CCDC178: variants seen among roughly 807,000 people sequenced by gnomAD.
The protein encoded by CCDC178 is coiled-coil domain containing 178, also known as coiled-coil domain-containing protein 178.
In CCDC178, 126 loss-of-function variants were observed where a neutral mutation model predicts 117.4. The observed-to-expected ratio is 1.07, with a 90% CI of 0.93 to 1.24. The LOEUF is 1.24. Ranked by LOEUF, CCDC178 falls within the 50% of genes most tolerant of loss-of-function variation. The pLI is 0.00. For synonymous variants in CCDC178, 283 were observed against 313.4 expected (o/e 0.90, Z 1.02); for missense variants, 1,030 against 986.9 (o/e 1.04, Z -0.59).
intron 14 of CCDC178, among the ~76,000 whole-genome samples, chr18:33,251,980 A>C (rs1484542716): frequency 6.6e-6 from 1 of 151,808 alleles, no homozygotes; most frequent in Non-Finnish European, 1.5e-5. Context: ...TAGGTTCTGT[A>C]AGAAGGGAAA....
At chr18:33,104,611 T>C (rs2057679304) in intron 20 of CCDC178, among the ~76,000 whole-genome samples, 1 of 151,698 alleles carries the variant, frequency 6.6e-6, no homozygotes, top group Non-Finnish European at 1.5e-5. Flanking sequence ...GGTGTGGAAA[T>C]AGAAATACGT....
chr18:33,425,771 G>C (rs980188102), intron 2 of CCDC178, among the ~76,000 whole-genome samples: 1 of 152,146 alleles, frequency 6.6e-6, no homozygotes, highest in African/African-American at 2.4e-5. Context: ...TACTGGGGCT[G>C]ATGGGGCCGA....
intron 14 of CCDC178, among the ~76,000 whole-genome samples, chr18:33,255,471 C>T (rs1326805696): frequency 6.6e-6 from 1 of 151,898 alleles, no homozygotes; most frequent in Non-Finnish European, 1.5e-5. Flanking sequence ...ACAATAAGGG[C>T]CTGGTTTATT....
At chr18:33,200,306 C>A (rs1219485453) in intron 20 of CCDC178, among the ~76,000 whole-genome samples, 3 of 152,230 alleles carry the variant, frequency 2.0e-5, no homozygotes, top group Non-Finnish European at 2.9e-5. Flanking sequence ...TTCCCAACAA[C>A]TCTAAGTGCT....
chr18:33,428,940 G>A (rs2064166194), intron 2 of CCDC178, among the ~76,000 whole-genome samples: 1 of 151,340 alleles, frequency 6.6e-6, no homozygotes, highest in Non-Finnish European at 1.5e-5. Flanking sequence ...TTGTAAGCCT[G>A]GTTGAATGGA....
At chr18:33,360,741 AC>A (rs1294095523) in intron 6 of CCDC178, among the ~76,000 whole-genome samples, 2 of 151,696 alleles carry the variant, frequency 1.3e-5, no homozygotes, top group Non-Finnish European at 3.0e-5. Context: ...AATTAAGAAA[AC>A]AATCCCATTT....
chr18:33,068,683 A>G (rs1598848881), intron 21 of CCDC178, among the ~76,000 whole-genome samples: 1 of 149,864 alleles, frequency 6.7e-6, no homozygotes, highest in Non-Finnish European at 1.5e-5. Flanking sequence ...CATAATAAAG[A>G]CCATATATGA....
chr18:32,938,148 G>T, intron 22 of CCDC178, 57 bp from the exon 23 acceptor site: 1 of 1,181,918 alleles, frequency 8.5e-7, no homozygotes, highest in South Asian at 1.2e-5. Context: ...TAAGAAAACA[G>T]AGCATTATTA....
Position 33,424,844 on chromosome 18 carries a change from C to T in CCDC178, c.-22-12734G>A, listed in dbSNP as rs531431340. On this transcript the variant is annotated intron_variant, in intron 2 of 22. Transcript: ENST00000383096. ...TGATGAGAGAGCTGCTGAATTAAACCGCACTTCACCTGCCTACAGCCCCGA... is the reference window on the plus strand; with the variant it reads ...TGATGAGAGAGCTGCTGAATTAAACTGCACTTCACCTGCCTACAGCCCCGA... Among the ~76,000 whole-genome samples, 57 of 152,250 alleles carry T rather than the reference C, an allele frequency of 3.7e-4. No homozygotes were observed. In the South Asian group the frequency reaches 5.8e-3, roughly 16 times the overall value.
At chr18:32,949,873 G>A (rs2054441512) in intron 22 of CCDC178, among the ~76,000 whole-genome samples, 1 of 152,080 alleles carries the variant, frequency 6.6e-6, no homozygotes, top group South Asian at 2.1e-4. Flanking sequence ...ATGCAGTGAG[G>A]TTACTTGAAA....
intron 20 of CCDC178, among the ~76,000 whole-genome samples, chr18:33,147,976 G>T (rs551854414): frequency 7.9e-5 from 12 of 151,886 alleles, no homozygotes; most frequent in Admixed American, 7.9e-4. Flanking sequence ...CGGACGGGGC[G>T]GCGGCCGGGC....
intron 21 of CCDC178, among the ~76,000 whole-genome samples, chr18:33,017,427 A>C (rs151052784): frequency 4.6e-5 from 7 of 152,072 alleles, no homozygotes; most frequent in Admixed American, 2.0e-4. Context: ...AATACTGTTG[A>C]AACTAATTAA....
chr18:33,424,798 G>C (rs2064094629), intron 2 of CCDC178, among the ~76,000 whole-genome samples: 1 of 152,302 alleles, frequency 6.6e-6, no homozygotes, highest in African/African-American at 2.4e-5. Context: ...GCTAATGAGA[G>C]AGCTAGCGTA....
At chr18:33,221,286 G>A (rs905980958) in intron 18 of CCDC178, among the ~76,000 whole-genome samples, 8 of 152,088 alleles carry the variant, frequency 5.3e-5, no homozygotes, top group African/African-American at 7.2e-5. Flanking sequence ...TAAAAAGTAA[G>A]CTGACTCTAA....
intron 21 of CCDC178, among the ~76,000 whole-genome samples, chr18:33,046,059 C>T (rs113161448): frequency 1.3e-4 from 20 of 152,272 alleles, no homozygotes; most frequent in African/African-American, 4.3e-4. Flanking sequence ...CAGAGGGAGA[C>T]TCCATCTCAA....
At chr18:33,299,971 C>T (rs1386338708) in intron 11 of CCDC178, among the ~76,000 whole-genome samples, 1 of 152,028 alleles carries the variant, frequency 6.6e-6, no homozygotes, top group Non-Finnish European at 1.5e-5. Flanking sequence ...GATATTTGTC[C>T]CCTAAATCTC....
intron 20 of CCDC178, among the ~76,000 whole-genome samples, chr18:33,172,115 G>A (rs892427265): frequency 6.6e-6 from 1 of 152,144 alleles, no homozygotes; most frequent in Non-Finnish European, 1.5e-5. Context: ...TCACCATGTT[G>A]ATCAGGCTGG....
intron 14 of CCDC178, among the ~76,000 whole-genome samples, chr18:33,256,415 T>G (rs571507167): frequency 2.6e-5 from 4 of 152,186 alleles, no homozygotes; most frequent in African/African-American, 7.2e-5. Context: ...GAACAAAAAG[T>G]ATTATTTATC....
chr18:33,315,391 G>T (rs948191216), intron 11 of CCDC178, among the ~76,000 whole-genome samples: 1 of 151,984 alleles, frequency 6.6e-6, no homozygotes, highest in African/African-American at 2.4e-5. Context: ...AACCAAAAGG[G>T]CACAGACCCT....
Sources: allele counts gnomAD v4.1 joint callset (sites outside exome capture counted in the v4.1 genomes callset), GRCh38; gene constraint gnomAD v4.1.1; transcripts MANE v1.5; gene names NCBI Gene and HGNC (gene_info 2026-07-23, HGNC 2026-07-21).